Variants in GLG1 observed in about 807,000 individuals in gnomAD.
GLG1 encodes Golgi apparatus protein 1.
GLG1 carries 38 observed loss-of-function variants against 160.5 expected under a neutral mutation model. The ratio of observed to expected loss-of-function variants is 0.24; its 90% confidence interval spans 0.18 to 0.31. The LOEUF is 0.31. GLG1 is among the 10% of genes least tolerant of loss of function. The pLI is 1.00. For missense variants in GLG1, 1,373 were observed against 1,505.2 expected, an observed-to-expected ratio of 0.91 and a Z score of 1.45; for synonymous variants, 644 against 543.4, an observed-to-expected ratio of 1.19 and a Z score of -2.57.
chr16:74,528,309 T>C (rs1286297999), intron 2 of GLG1, among the ~76,000 whole-genome samples: 1 of 152,076 alleles, frequency 6.6e-6, no homozygotes, highest in East Asian at 1.9e-4. Context: ...CCTATTTTCA[T>C]TTTTTAAAGG....
chr16:74,514,886 G>A (rs749817339), intron 2 of GLG1, among the ~76,000 whole-genome samples: 13 of 152,052 alleles, frequency 8.5e-5, no homozygotes, highest in Non-Finnish European at 7.3e-5. Context: ...GCTGTATTCA[G>A]GAGACGCATC....
intron 19 of GLG1, among the ~76,000 whole-genome samples, chr16:74,465,087 C>T (rs112006872): frequency 4.1e-4 from 62 of 152,302 alleles, no homozygotes; most frequent in African/African-American, 1.4e-3. Flanking sequence ...GATCCTCCCG[C>T]CTTGGCCTCT....
At chr16:74,480,558 T>C (rs1397648885) in intron 10 of GLG1, among the ~76,000 whole-genome samples, 164 bp from the exon 11 acceptor site, 3 of 151,972 alleles carry the variant, frequency 2.0e-5, no homozygotes, top group Admixed American at 6.6e-5. Context: ...TTTTGTTCTT[T>C]TGTTTTTTTT....
intron 2 of GLG1, among the ~76,000 whole-genome samples, chr16:74,514,326 G>C (rs984127293): frequency 2.0e-5 from 3 of 152,100 alleles, no homozygotes; most frequent in Non-Finnish European, 4.4e-5. Context: ...GCAACCCCAA[G>C]ACACATAATT....
intron 1 of GLG1, among the ~76,000 whole-genome samples, chr16:74,600,411 G>A (rs76881401): frequency 0.24 from 36,738 of 151,664 alleles, 4,779 homozygotes; most frequent in East Asian, 0.33. Context: ...AAAAGAACAA[G>A]GACAAAGCTA....
intron 1 of GLG1, among the ~76,000 whole-genome samples, chr16:74,556,677 ATAT>A (rs1439724501): frequency 2.0e-5 from 3 of 150,990 alleles, no homozygotes; most frequent in Non-Finnish European, 3.0e-5. Flanking sequence ...GGTTGGAATA[ATAT>A]TATTATTTTT....
chr16:74,452,256 G>A lies in GLG1; in HGVS notation c.*911C>T, dbSNP rs1224829593. The A allele has an allele frequency of 2.0e-6, 3 of 1,502,924 alleles. No individual in the cohort carries two copies. The highest frequency in any genetic ancestry group is 2.7e-6 in the Non-Finnish European group (3 of 1,126,654). The allele number at this position is 1,502,924 out of a possible 1,614,324, so 93.1% of individuals were successfully genotyped here. A position where few individuals can be genotyped will look rare whatever the true frequency, so the allele number is the denominator to read the frequency against. On this transcript the variant is annotated 3_prime_UTR_variant, in exon 26 of 26. Transcript: ENST00000422840. ...CTCCTGATGAAGCGCAGAGCTTCCA[G>A]AGTGACTGTAGCCTCAGCAGGGCCG...
chr16:74,606,837 C>G lies in GLG1; in HGVS notation c.258G>C (p.Gln86His), dbSNP rs1171275041. 11 of 1,599,352 alleles carry G rather than the reference C, an allele frequency of 6.9e-6. No individual in the cohort carries two copies. Among genetic ancestry groups the G allele is most frequent in the Non-Finnish European group, 9.4e-6 (11 of 1,173,498 alleles). The change falls in exon 1 of 26, where the codon CAG becomes CAC. Residue 86 changes from glutamine (Q) to histidine (H), a missense_variant. By Grantham distance (24) the Gln-to-His change is conservative (BLOSUM62 0). Coordinates refer to ENST00000422840, the MANE Select transcript of GLG1 (RefSeq NM_001145667.2). ...CCGCCGGGAAAGGCGGCTGCGGCGG[C>G]TGAGGCTGCTGTTGCTGTTGCTGCT... ...QQQQQQQQQP[Q>H]PPQPPFPAGG...
intron 24 of GLG1, among the ~76,000 whole-genome samples, chr16:74,457,085 C>T (rs1281224974): frequency 6.6e-6 from 1 of 152,178 alleles, no homozygotes; most frequent in African/African-American, 2.4e-5. Flanking sequence ...ATAGTAAGAC[C>T]TTGTTTCAAA....
At chr16:74,490,704 GA>G (rs1231263711) in intron 8 of GLG1, among the ~76,000 whole-genome samples, 1 of 152,174 alleles carries the variant, frequency 6.6e-6, no homozygotes, top group Non-Finnish European at 1.5e-5. Flanking sequence ...CTGAGTTTAG[GA>G]AATCCAGTCT....
At chr16:74,486,129 A>G (rs1329602402) in intron 8 of GLG1, among the ~76,000 whole-genome samples, 1 of 152,188 alleles carries the variant, frequency 6.6e-6, no homozygotes, top group African/African-American at 2.4e-5. Context: ...TGTTTGAGTC[A>G]TTGATGGGGA....
rs1264070257 is a variant in GLG1, at chr16:74,519,858, G to C, written c.472-10933C>G. On this transcript the variant is annotated intron_variant, in intron 2 of 25. Transcript: ENST00000422840. ...TAGTAACTTACACTATAAAAGATGA[G>C]GAATGAATTCTCATACCCATCTTCC... 2.6e-5 allele frequency among the ~76,000 whole-genome samples: 4 copies of C among 152,068 alleles called. No individual in the cohort carries two copies. In the East Asian group the frequency reaches 7.7e-4, roughly 29 times the overall value.
chr16:74,494,557 C>T (rs910434754), intron 6 of GLG1, among the ~76,000 whole-genome samples: 21 of 151,726 alleles, frequency 1.4e-4, no homozygotes, highest in Admixed American at 1.1e-3. Context: ...CAGGCGCCCA[C>T]CACCACGGCC....
chr16:74,525,998 T>C (rs1036204554), intron 2 of GLG1, among the ~76,000 whole-genome samples: 5 of 151,970 alleles, frequency 3.3e-5, no homozygotes, highest in African/African-American at 9.7e-5. Context: ...CTCTACAAAA[T>C]AGAGACAGAG....
At chr16:74,505,489 G>T (rs1038232088) in intron 3 of GLG1, among the ~76,000 whole-genome samples, 3 of 152,148 alleles carry the variant, frequency 2.0e-5, no homozygotes, top group African/African-American at 7.2e-5. Context: ...GAAGACCGAG[G>T]GGGGTGGATC....
intron 1 of GLG1, among the ~76,000 whole-genome samples, chr16:74,540,764 C>A (rs1178050195): frequency 6.6e-6 from 1 of 151,760 alleles, no homozygotes; most frequent in African/African-American, 2.4e-5. Flanking sequence ...CTATCAAATG[C>A]TTGTTCAGAT....
At chr16:74,596,490 T>C (rs556663818) in intron 1 of GLG1, among the ~76,000 whole-genome samples, 52 of 150,010 alleles carry the variant, frequency 3.5e-4, no homozygotes, top group African/African-American at 1.1e-3. Context: ...GATCGTGCCA[T>C]TGCACTCCAG....
chr16:74,490,062 A>G (rs1312006010), intron 8 of GLG1, among the ~76,000 whole-genome samples: 1 of 152,196 alleles, frequency 6.6e-6, no homozygotes, highest in Non-Finnish European at 1.5e-5. Flanking sequence ...AGTTTCTACT[A>G]TTCTAGGATA....
intron 1 of GLG1, among the ~76,000 whole-genome samples, chr16:74,540,414 A>C (rs575975773): frequency 8.3e-4 from 126 of 151,936 alleles, no homozygotes; most frequent in Non-Finnish European, 1.4e-3. Flanking sequence ...CAGGAATTAG[A>C]AACAAGGTGC....
Sources: gnomAD v4.1 joint callset for allele counts (sites outside exome capture counted in the v4.1 genomes callset) on GRCh38, gnomAD v4.1.1 for gene constraint, MANE v1.5 for transcripts, NCBI Gene and HGNC (gene_info 2026-07-23, HGNC 2026-07-21) for gene names.